The following CSNK2A1 variants were observed in gnomAD, a reference collection of about 807,000 sequenced individuals.
CSNK2A1 encodes casein kinase 2 alpha 1.
CSNK2A1 carries 10 observed loss-of-function variants against 62.9 expected under a neutral mutation model. The observed-to-expected ratio is 0.16, with a 90% confidence interval of 0.10 to 0.27. The LOEUF is 0.27. CSNK2A1 is among the 10% of genes least tolerant of loss of function. The probability of loss-of-function intolerance (pLI) is 1.00; values close to 1 mark genes in which losing one functional copy is unlikely to be tolerated. For missense variants in CSNK2A1, 160 were observed against 492.0 expected (o/e 0.33, Z 6.38); for synonymous variants, 124 against 167.8 (o/e 0.74, Z 2.02).
rs150612533 is a variant in CSNK2A1, at chr20:529,251, C to T, written c.-226-1202G>A. On this transcript the variant is annotated intron_variant, in intron 1 of 13. Coordinates refer to ENST00000217244, the MANE Select transcript of CSNK2A1 (RefSeq NM_177559.3). ...ATGTTGCCCGGGCTAGTCTTGAACT[C>T]CTGGGCTCAAGCAATCCTCCCGCCT... Among the ~76,000 whole-genome samples the T allele has an allele frequency of 7.3e-3, 1,102 of 150,074 alleles. 10 individuals carry two copies. Among genetic ancestry groups the T allele is most frequent in the South Asian group, 0.022 (105 of 4,742 alleles).
chr20:509,921 G>A (rs930489395), intron 2 of CSNK2A1, among the ~76,000 whole-genome samples: 4 of 152,140 alleles, frequency 2.6e-5, no homozygotes, highest in Non-Finnish European at 5.9e-5. Context: ...AAAAGAGGAA[G>A]TGTCTATTTA....
chr20:493,185 T>G (rs1390826755), intron 8 of CSNK2A1, among the ~76,000 whole-genome samples: 2 of 152,170 alleles, frequency 1.3e-5, no homozygotes, highest in African/African-American at 4.8e-5. Flanking sequence ...AAACTTAAGA[T>G]TCACCCTGGA....
intron 3 of CSNK2A1, among the ~76,000 whole-genome samples, chr20:505,514 C>A (rs984117602): frequency 6.6e-6 from 1 of 151,772 alleles, no homozygotes; most frequent in Non-Finnish European, 1.5e-5. Flanking sequence ...CGCCTGCCAC[C>A]ATGCCCGGCT....
chr20:516,841 T>C (rs2018837832), intron 2 of CSNK2A1, among the ~76,000 whole-genome samples: 1 of 151,990 alleles, frequency 6.6e-6, no homozygotes, highest in South Asian at 2.1e-4. Context: ...TGTTTATTAG[T>C]CTCCATCTTA....
intron 13 of CSNK2A1, among the ~76,000 whole-genome samples, chr20:485,985 C>T (rs1034793380): frequency 6.6e-6 from 1 of 152,184 alleles, no homozygotes; most frequent in Non-Finnish European, 1.5e-5. Flanking sequence ...GCACATGTCA[C>T]GGAACTGTCC....
intron 1 of CSNK2A1, chr20:539,340 G>T (rs998459156): frequency 6.6e-6 from 1 of 152,124 alleles, no homozygotes; most frequent in African/African-American, 2.4e-5. Flanking sequence ...GCAGCTGTAG[G>T]ACTGAGTTCC....
intron 2 of CSNK2A1, among the ~76,000 whole-genome samples, chr20:514,998 T>G (rs566756701): frequency 3.3e-4 from 50 of 152,160 alleles, no homozygotes; most frequent in Non-Finnish European, 4.1e-4. Flanking sequence ...CATTGAAGAT[T>G]TTACCTATGG....
chr20:528,890 G>T (rs923014348), intron 1 of CSNK2A1, among the ~76,000 whole-genome samples: 2 of 152,168 alleles, frequency 1.3e-5, no homozygotes, highest in Admixed American at 6.5e-5. Flanking sequence ...TAGATTCACA[G>T]CCTATTCTTC....
At chr20:540,691 C>T (rs570402397) in intron 1 of CSNK2A1, 1 of 152,200 alleles carries the variant, frequency 6.6e-6, no homozygotes, top group East Asian at 1.9e-4. Flanking sequence ...CAATTCTAAC[C>T]TTTATCTACT....
intron 11 of CSNK2A1, 24 bp downstream of exon 11, chr20:488,654 C>G: frequency 6.2e-7 from 1 of 1,606,998 alleles, no homozygotes; most frequent in Non-Finnish European, 8.5e-7. Context: ...GCCACAGATG[C>G]ACATATTTTG....
Position 479,810 on chromosome 20 carries a change from C to A in CSNK2A1, c.*4151G>T, listed in dbSNP as rs1022483881. ...GTTGAGCATTTCTAATTTGAAAATACAAAATCCTCAAAAATCTGAAATTTT... is the reference window on the plus strand; with the variant it reads ...GTTGAGCATTTCTAATTTGAAAATAAAAAATCCTCAAAAATCTGAAATTTT... On this transcript the variant is annotated 3_prime_UTR_variant, in exon 14 of 14. Transcript: ENST00000217244. 1 of 152,170 alleles carries A rather than the reference C, an allele frequency of 6.6e-6. No homozygotes were observed. Among genetic ancestry groups the A allele is most frequent in the Non-Finnish European group, 1.5e-5 (1 of 68,026 alleles). The allele number at this position is 152,170 out of a possible 1,614,324, so 9.4% of individuals were successfully genotyped here.
At chr20:528,583 T>C (rs1470326531) in intron 1 of CSNK2A1, among the ~76,000 whole-genome samples, 1 of 148,512 alleles carries the variant, frequency 6.7e-6, no homozygotes, top group African/African-American at 2.6e-5. Context: ...CCCCTGCTAA[T>C]TAAATTTTTT....
chr20:518,819 T>G (rs902184715), intron 2 of CSNK2A1, among the ~76,000 whole-genome samples: 2 of 151,394 alleles, frequency 1.3e-5, no homozygotes, highest in African/African-American at 4.9e-5. Flanking sequence ...CCTCCCAAAG[T>G]GCTGGGATTA....
intron 2 of CSNK2A1, among the ~76,000 whole-genome samples, chr20:524,642 A>C (rs2019034110): frequency 6.8e-6 from 1 of 147,602 alleles, no homozygotes; most frequent in African/African-American, 2.5e-5. Context: ...AGGCTGGAGA[A>C]TCGCTTGAAC....
intron 2 of CSNK2A1, among the ~76,000 whole-genome samples, chr20:515,861 T>C (rs1362143438): frequency 6.6e-6 from 1 of 152,206 alleles, no homozygotes; most frequent in African/African-American, 2.4e-5. Flanking sequence ...ATACTTCAGG[T>C]CATCTGGTAC....
At chr20:502,234 A>C (rs906623979) in intron 4 of CSNK2A1, 2 of 152,190 alleles carry the variant, frequency 1.3e-5, no homozygotes, top group African/African-American at 2.4e-5. Context: ...TACCCAATAC[A>C]ATATCTACCT....
chr20:508,893 C>T (rs1276172132), intron 2 of CSNK2A1, among the ~76,000 whole-genome samples: 1 of 152,274 alleles, frequency 6.6e-6, no homozygotes, highest in Admixed American at 6.5e-5. Context: ...TATCCTGTTA[C>T]CTCTGCAGGC....
chr20:483,899 T>A lies in CSNK2A1; in HGVS notation c.*62A>T. 1 of 1,509,148 alleles carries A rather than the reference T, an allele frequency of 6.6e-7. No homozygotes were observed. The highest frequency in any genetic ancestry group is 8.9e-7 in the Non-Finnish European group (1 of 1,127,732). The allele number at this position is 1,509,148 out of a possible 1,614,324, so 93.5% of individuals were successfully genotyped here. On this transcript the variant is annotated 3_prime_UTR_variant, in exon 14 of 14. Transcript: ENST00000217244. Reference sequence around the variant, plus strand: ...TCACCCCTCCCCGCCAGGCGCAAGCTGCATCAAGGAGAGGGTGGACTCCCC... The same window carrying A: ...TCACCCCTCCCCGCCAGGCGCAAGCAGCATCAAGGAGAGGGTGGACTCCCC...
rs1236205101 is a variant in CSNK2A1 at position 473,965 on chromosome 20, G to A, written c.*9996C>T. ...AAACTGGGGCTCTGTCAACAAAGAG[G>A]AAGGGAGGAATGACTCCCTTGGGAG... On this transcript the variant is annotated 3_prime_UTR_variant, in exon 14 of 14. Coordinates refer to ENST00000217244, the MANE Select transcript of CSNK2A1 (RefSeq NM_177559.3). 1 of 152,258 alleles carries A rather than the reference G, an allele frequency of 6.6e-6. No individual in the cohort carries two copies. The highest frequency in any genetic ancestry group is 2.4e-5 in the African/African-American group (1 of 41,458). 9.4% of individuals were successfully genotyped at this position (152,258 alleles called of 1,614,324 possible).
Sources: allele counts gnomAD v4.1 joint callset (sites outside exome capture counted in the v4.1 genomes callset), GRCh38; gene constraint gnomAD v4.1.1; transcripts MANE v1.5; gene names NCBI Gene and HGNC (gene_info 2026-07-23, HGNC 2026-07-21).